Variants in TCF7L1 observed in about 807,000 individuals in gnomAD.
The protein encoded by TCF7L1 is transcription factor 7-like 1.
TCF7L1 carries 18 observed loss-of-function variants against 63.7 expected under a neutral mutation model. The ratio of observed to expected loss-of-function variants is 0.28; its 90% CI spans 0.20 to 0.42. TCF7L1 has a LOEUF of 0.42. TCF7L1 is among the 10% of genes least tolerant of loss of function. The pLI, the probability that TCF7L1 is intolerant of heterozygous loss-of-function variation, is 1.00. For synonymous variants in TCF7L1, 355 were observed against 340.9 expected (o/e 1.04, Z -0.46); for missense variants, 654 against 779.3 (o/e 0.84, Z 1.91).
chr2:85,160,424 C>A (rs2104219290), intron 3 of TCF7L1, among the ~76,000 whole-genome samples: 1 of 152,304 alleles, frequency 6.6e-6, no homozygotes, highest in South Asian at 2.1e-4. Context: ...GGGGTTTCAC[C>A]ATGTTGGCCA....
chr2:85,269,946 C>G (rs1422483424), intron 3 of TCF7L1, among the ~76,000 whole-genome samples: 1 of 152,176 alleles, frequency 6.6e-6, no homozygotes, highest in Non-Finnish European at 1.5e-5. Flanking sequence ...TGTTCTTGTT[C>G]ACCTGTGGGG....
intron 3 of TCF7L1, among the ~76,000 whole-genome samples, chr2:85,226,629 G>A (rs1679957215): frequency 6.6e-6 from 1 of 151,968 alleles, no homozygotes; most frequent in South Asian, 2.1e-4. Context: ...ACCCAAACTT[G>A]GTGACTTCAG....
chr2:85,164,720 T>G (rs1238823457), intron 3 of TCF7L1, among the ~76,000 whole-genome samples: 1 of 152,230 alleles, frequency 6.6e-6, no homozygotes, highest in Admixed American at 6.5e-5. Context: ...ACATTAACAG[T>G]TCTCATGACT....
intron 4 of TCF7L1, 78 bp downstream of exon 4, chr2:85,283,656 G>T: frequency 2.0e-6 from 3 of 1,465,140 alleles, no homozygotes; most frequent in East Asian, 2.3e-5. Flanking sequence ...CTGCCATCAC[G>T]CTGAAGCAGA....
In TCF7L1 at chr2:85,142,497, TACACACACACACA is replaced by T. The variant is rs1391017741; in HGVS notation, c.441+8053_441+8065del. ...TATATATATAATATATATATATATA[TACACACACACACA>T]ACACAGACACAATTTGTGTGTAGCT... On this transcript the variant is annotated intron_variant, in intron 3 of 11. Transcript: ENST00000282111. Among the ~76,000 whole-genome samples the T allele has an allele frequency of 7.9e-4, 117 of 147,748 alleles. 1 individual carries two copies. The highest frequency in any genetic ancestry group is 7.0e-3 in the Middle Eastern group (2 of 284).
chr2:85,212,835 G>A (rs1211926012), intron 3 of TCF7L1, among the ~76,000 whole-genome samples: 3 of 152,168 alleles, frequency 2.0e-5, no homozygotes, highest in Admixed American at 2.0e-4. Flanking sequence ...CCGCTGAGCA[G>A]GCTGTGGGCA....
rs1476287839 is a variant in TCF7L1, at chr2:85,292,121, C to T, written c.525+8543C>T. Among the ~76,000 whole-genome samples, 14 of 42,542 alleles carry T rather than the reference C, an allele frequency of 3.3e-4. 5 individuals carry two copies. The allele number at this position is 42,542 out of a possible 152,430, so 27.9% of individuals were successfully genotyped here. A position where few individuals can be genotyped will look rare whatever the true frequency, so the allele number is the denominator to read the frequency against. On this transcript the variant is annotated intron_variant, in intron 4 of 11. Coordinates refer to ENST00000282111, the MANE Select transcript of TCF7L1 (RefSeq NM_031283.3). ...CTGCAAGCTCCGCCTCCCGGGTTCA[C>T]GCCATTCTCCCGCCTCAGCCTCCCA...
intron 4 of TCF7L1, among the ~76,000 whole-genome samples, chr2:85,301,896 CG>C (rs1681988236): frequency 6.6e-6 from 1 of 152,070 alleles, no homozygotes; most frequent in Non-Finnish European, 1.5e-5. Flanking sequence ...GAGGCCGAGG[CG>C]GGTGGATCAC....
chr2:85,287,896 A>T (rs890314600), intron 4 of TCF7L1, among the ~76,000 whole-genome samples: 3 of 152,186 alleles, frequency 2.0e-5, no homozygotes, highest in African/African-American at 7.2e-5. Context: ...AGCTCCAAGC[A>T]AATTACCTCA....
chr2:85,172,584 G>A lies in TCF7L1; in HGVS notation c.441+38134G>A, dbSNP rs569573459. Among the ~76,000 whole-genome samples the A allele has an allele frequency of 3.9e-5, 6 of 152,226 alleles. No individual in the cohort carries two copies. In the South Asian group the frequency reaches 8.3e-4, roughly 21 times the overall value. On this transcript the variant is annotated intron_variant, in intron 3 of 11. Coordinates refer to ENST00000282111, the MANE Select transcript of TCF7L1 (RefSeq NM_031283.3). ...TGGGATTATAGGCAGGTGCCACCAC[G>A]CCTGGCTAGTTTTGTATTTTTAGTA...
intron 3 of TCF7L1, among the ~76,000 whole-genome samples, chr2:85,209,377 C>T (rs965588087): frequency 6.6e-6 from 1 of 152,210 alleles, no homozygotes; most frequent in Non-Finnish European, 1.5e-5. Flanking sequence ...GCTTAGCTGA[C>T]CATTCTGCAG....
intron 3 of TCF7L1, among the ~76,000 whole-genome samples, chr2:85,238,873 G>C (rs534952441): frequency 6.6e-6 from 1 of 151,538 alleles, no homozygotes; most frequent in Admixed American, 6.6e-5. Flanking sequence ...AGACTGGAGT[G>C]TCGTGGCGCA....
chr2:85,186,440 C>T (rs1215115936), intron 3 of TCF7L1: 1 of 147,608 alleles, frequency 6.8e-6, no homozygotes, highest in Admixed American at 6.9e-5. Context: ...GCATATGGGC[C>T]CACACTGCTT....
intron 3 of TCF7L1, among the ~76,000 whole-genome samples, chr2:85,269,287 T>C (rs1463666579): frequency 6.6e-6 from 1 of 152,228 alleles, no homozygotes; most frequent in Non-Finnish European, 1.5e-5. Context: ...TACATAATTA[T>C]TTTTCTTTGA....
At chr2:85,188,007 A>G (rs1393120595) in intron 3 of TCF7L1, among the ~76,000 whole-genome samples, 1 of 152,230 alleles carries the variant, frequency 6.6e-6, no homozygotes, top group Admixed American at 6.5e-5. Context: ...CAAGGAAATG[A>G]TGCTGAACGA....
At chr2:85,196,291 C>G (rs6728057) in intron 3 of TCF7L1, among the ~76,000 whole-genome samples, 1 of 152,178 alleles carries the variant, frequency 6.6e-6, no homozygotes, top group South Asian at 2.1e-4. Context: ...AGACAAACTT[C>G]GCTATATTGC....
chr2:85,217,274 G>A (rs1679731847), intron 3 of TCF7L1: 1 of 152,216 alleles, frequency 6.6e-6, no homozygotes, highest in African/African-American at 2.4e-5. Context: ...AGATAAGATT[G>A]AAGCAAACCT....
At chr2:85,193,861 G>T (rs1487600321) in intron 3 of TCF7L1, among the ~76,000 whole-genome samples, 3 of 152,086 alleles carry the variant, frequency 2.0e-5, no homozygotes, top group Admixed American at 1.3e-4. Flanking sequence ...AGTAAGTGTA[G>T]TTAAATGTTA....
chr2:85,175,087 C>T lies in TCF7L1; in HGVS notation c.441+40637C>T, dbSNP rs146755304. 6.7e-4 allele frequency among the ~76,000 whole-genome samples: 102 copies of T among 152,306 alleles called. 1 individual carries two copies. Among genetic ancestry groups the T allele is most frequent in the African/African-American group, 2.4e-3 (98 of 41,560 alleles). ...GTGACATCCTTGTCCCTGGCCCGCC[C>T]GGCGCAGCTCACAGTGGGCTCTCTG... On this transcript the variant is annotated intron_variant, in intron 3 of 11. Coordinates refer to ENST00000282111, the MANE Select transcript of TCF7L1 (RefSeq NM_031283.3).
Sources: gnomAD v4.1 joint callset for allele counts (sites outside exome capture counted in the v4.1 genomes callset) on GRCh38, gnomAD v4.1.1 for gene constraint, MANE v1.5 for transcripts, NCBI Gene and HGNC (gene_info 2026-07-23, HGNC 2026-07-21) for gene names.